ARSF: variants seen among roughly 807,000 people sequenced by gnomAD.
ARSF encodes the protein arylsulfatase F.
A neutral mutation model predicts 35.4 loss-of-function variants in ARSF; 33 were observed. The ratio of observed to expected loss-of-function variants is 0.93; its 90% CI spans 0.71 to 1.25. The LOEUF (loss-of-function observed/expected upper bound fraction) is 1.25, where lower values mean the gene tolerates loss of function less well. Among genes scored for constraint, ARSF ranks in the 50% most tolerant of loss-of-function variants. The pLI is 0.00. For synonymous variants in ARSF, 222 were observed against 193.1 expected (o/e 1.15, Z -1.24); for missense variants, 501 against 480.2 (o/e 1.04, Z -0.40).
chrX:3,093,179 T>A lies in ARSF; in HGVS notation c.967+3547T>A, dbSNP rs533878912. Among the ~76,000 whole-genome samples, 44 of 112,017 alleles carry A rather than the reference T, an allele frequency of 3.9e-4. No homozygotes were observed. In the South Asian group the frequency reaches 0.016, roughly 41 times the overall value. On this transcript the variant is annotated intron_variant, in intron 7 of 10. Coordinates refer to ENST00000381127, the MANE Select transcript of ARSF (RefSeq NM_001201539.2). ...GACTCCGTCTCAAAAGAAAAAAAAA[T>A]TATCATGGGTTTCCCACAGCAGTGC... is the stretch of plus-strand genomic sequence containing the variant.
intron 6 of ARSF, among the ~76,000 whole-genome samples, chrX:3,085,541 T>C (rs146606765): frequency 0.027 from 2,971 of 110,782 alleles, 47 homozygotes; most frequent in Middle Eastern, 0.061. Flanking sequence ...CAAAGGTGAT[T>C]GTTATAAAAA....
chrX:3,063,299 G>A (rs1223582489), intron 1 of ARSF, among the ~76,000 whole-genome samples: 6 of 111,336 alleles, frequency 5.4e-5, no homozygotes, highest in Non-Finnish European at 7.5e-5. Context: ...TTGATGGGAC[G>A]TATCTCAAAA....
At chrX:3,105,440 A>G (rs2090405323) in intron 9 of ARSF, among the ~76,000 whole-genome samples, 1 of 112,089 alleles carries the variant, frequency 8.9e-6, no homozygotes, top group Non-Finnish European at 1.9e-5. Flanking sequence ...TAACACAGGA[A>G]AGAAAAAATA....
intron 1 of ARSF, among the ~76,000 whole-genome samples, chrX:3,052,736 A>G (rs1011174817): frequency 1.8e-5 from 2 of 110,329 alleles, no homozygotes; most frequent in Non-Finnish European, 3.8e-5. Flanking sequence ...AAAATAAAAC[A>G]GTATAAAACC....
chrX:3,112,051 G>A, intron 10 of ARSF, 123 bp from the exon 11 acceptor site: 1 of 524,229 alleles, frequency 1.9e-6, no homozygotes, highest in South Asian at 3.3e-5. Context: ...TTCTTAACAG[G>A]CCACGAACAG....
intron 7 of ARSF, among the ~76,000 whole-genome samples, chrX:3,092,176 G>GATAGATACATAC (rs1555922103): frequency 1.2e-4 from 5 of 41,117 alleles, no homozygotes; most frequent in African/African-American, 3.8e-4. Context: ...ATGATAGATA[G>GATAGATACATAC]ATACATACAT....
chrX:3,047,244 T>C (rs1395627308), intron 1 of ARSF, among the ~76,000 whole-genome samples: 1 of 110,056 alleles, frequency 9.1e-6, no homozygotes, highest in South Asian at 4.0e-4. Context: ...AGTGGCATGA[T>C]CTCAGCTCAT....
In ARSF at chrX:3,098,874, A is replaced by G. The variant is rs2090357299; in HGVS notation, c.968-2213A>G. 4.5e-5 allele frequency among the ~76,000 whole-genome samples: 5 copies of G among 110,904 alleles called. No homozygotes were observed. In the South Asian group the frequency reaches 1.9e-3, roughly 43 times the overall value. On this transcript the variant is annotated intron_variant, in intron 7 of 10. Coordinates refer to ENST00000381127, the MANE Select transcript of ARSF (RefSeq NM_001201539.2). ...CAAGCTATTTTGTATTTTTATAATC[A>G]GAAAAATATTAGCTTTGTTGTTTTT...
At chrX:3,051,829 C>CA (rs1375980756) in intron 1 of ARSF, among the ~76,000 whole-genome samples, 2 of 110,099 alleles carry the variant, frequency 1.8e-5, no homozygotes, top group African/African-American at 3.3e-5. Context: ...CTTGTCTCTA[C>CA]AAAAAATAAA....
rs1243578790 is a variant in ARSF, at chrX:3,101,104, A to G, written c.985A>G (p.Ile329Val). ...DSMVGKILDA[I>V]DDFGLRNNTL... is the part of the protein sequence containing the mutation. ...TATTTTAGGCAAGATTCTTGATGCTATCGATGATTTTGGCCTAAGGAACAA... is the reference window on the plus strand; with the variant it reads ...TATTTTAGGCAAGATTCTTGATGCTGTCGATGATTTTGGCCTAAGGAACAA... The change falls in exon 8 of 11, where the codon ATC (isoleucine) becomes GTC (valine). Residue 329 changes from isoleucine (I) to valine (V), a missense_variant. Physicochemically the swap from Ile to Val is conservative, Grantham distance 29. Transcript: ENST00000381127. 2.5e-6 allele frequency: 3 copies of G among 1,207,576 alleles called. No individual in the cohort carries two copies. The highest frequency in any genetic ancestry group is 3.5e-5 in the African/African-American group (2 of 56,909).
intron 7 of ARSF, among the ~76,000 whole-genome samples, chrX:3,098,416 A>G (rs1569146337): frequency 9.0e-6 from 1 of 111,387 alleles, no homozygotes; most frequent in Non-Finnish European, 1.9e-5. Flanking sequence ...CCCCACCCAA[A>G]TCTCATCTTG....
chrX:3,083,797 C>A (rs751379883), intron 5 of ARSF, among the ~76,000 whole-genome samples: 1 of 111,287 alleles, frequency 9.0e-6, no homozygotes, highest in South Asian at 3.8e-4. Flanking sequence ...TATAACCTGC[C>A]TTGTCTCTGT....
intron 5 of ARSF, among the ~76,000 whole-genome samples, chrX:3,082,984 TC>T (rs1189568737): frequency 9.1e-6 from 1 of 110,443 alleles, no homozygotes; most frequent in Admixed American, 9.7e-5. Context: ...TATCTATCTA[TC>T]CATCTATCCA....
At chrX:3,060,654 C>A (rs946987546) in intron 1 of ARSF, among the ~76,000 whole-genome samples, 83 of 111,550 alleles carry the variant, frequency 7.4e-4, no homozygotes, top group African/African-American at 2.5e-3. Context: ...AGCATAAGAG[C>A]TACGTGATGC....
intron 4 of ARSF, among the ~76,000 whole-genome samples, chrX:3,078,384 G>A (rs1387993433): frequency 9.0e-6 from 1 of 110,523 alleles, no homozygotes; most frequent in East Asian, 2.9e-4. Context: ...GTATTGCTGT[G>A]TTCCCCAGGC....
intron 1 of ARSF, among the ~76,000 whole-genome samples, chrX:3,067,216 C>A (rs2090072223): frequency 9.2e-6 from 1 of 108,775 alleles, no homozygotes; most frequent in Non-Finnish European, 1.9e-5. Context: ...TGCTTTGGAA[C>A]AAAATGAATT....
In ARSF at chrX:3,092,176, G is replaced by GATAGATAC. The variant is rs1555922103; in HGVS notation, c.967+2547_967+2548insGATACATA. Among the ~76,000 whole-genome samples, 133 of 41,136 alleles carry GATAGATAC rather than the reference G, an allele frequency of 3.2e-3. 1 individual carries two copies. Among genetic ancestry groups the GATAGATAC allele is most frequent in the African/African-American group, 9.6e-3 (127 of 13,267 alleles). The allele number at this position is 41,136 out of a possible 115,157, so 35.7% of individuals were successfully genotyped here. A position where few individuals can be genotyped will look rare whatever the true frequency, so the allele number is the denominator to read the frequency against. ...TAGGTAGGTAGATAGATGATAGATA[G>GATAGATAC]ATACATACATACATACATACATACA... On this transcript the variant is annotated intron_variant, in intron 7 of 10. Transcript: ENST00000381127.
intron 1 of ARSF, among the ~76,000 whole-genome samples, chrX:3,067,280 T>G (rs189665176): frequency 1.5e-3 from 171 of 110,959 alleles, no homozygotes; most frequent in African/African-American, 5.4e-3. Context: ...GGTACAAATA[T>G]GGGTAATAAC....
rs149904557 is a variant in ARSF at position 3,089,633 on chromosome X, G to T, written c.967+1G>T. 1 of 1,208,426 alleles carries T rather than the reference G, an allele frequency of 8.3e-7. No individual in the cohort carries two copies. Among genetic ancestry groups the T allele is most frequent in the Non-Finnish European group, 1.1e-6 (1 of 894,337 alleles). ...GTGGAAGAGATGGACTCCATGGTGG[G>T]TAAGTCACAGGACTTAAGTGGACAG... On this transcript the variant is annotated splice_donor_variant, in intron 7 of 10. Coordinates refer to ENST00000381127, the MANE Select transcript of ARSF (RefSeq NM_001201539.2). LOFTEE classifies it high-confidence loss of function.
Sources: gnomAD v4.1 joint callset for allele counts (sites outside exome capture counted in the v4.1 genomes callset) on GRCh38, gnomAD v4.1.1 for gene constraint, MANE v1.5 for transcripts, NCBI Gene and HGNC (gene_info 2026-07-23, HGNC 2026-07-21) for gene names.